Variants in PLCB4 observed in about 807,000 individuals in gnomAD.
PLCB4 encodes the protein 1-phosphatidylinositol 4,5-bisphosphate phosphodiesterase beta-4.
In PLCB4, 77 loss-of-function variants were observed where a neutral mutation model predicts 178.8. That is an observed-to-expected ratio of 0.43 (90% CI 0.36 to 0.52). The LOEUF is 0.52. Among genes scored for constraint, PLCB4 ranks in the 20% least tolerant of loss-of-function variants. The pLI, the probability that PLCB4 is intolerant of heterozygous loss-of-function variation, is 0.00. For synonymous variants in PLCB4, 496 were observed against 490.8 expected (o/e 1.01, Z -0.14); for missense variants, 1,024 against 1,453.4 (o/e 0.70, Z 4.80).
chr20:9,444,199 A>G lies in PLCB4; in HGVS notation c.2836A>G (p.Lys946Glu). The change falls in exon 32 of 40, where the codon AAA becomes GAA. Residue 946 changes from lysine (K) to glutamate (E), a missense_variant. Physicochemically the swap from Lys to Glu is moderately conservative, Grantham distance 56. Around this residue, in one of 7 missense-constraint regions of PLCB4, gnomAD observed 227 missense variants for 374.3 expected, o/e 0.61. Coordinates refer to ENST00000378473, the MANE Select transcript of PLCB4 (RefSeq NM_001377142.1). ...QMKAYLKHLK[K>E]QQKELNSLKK... ...AAAGGCTTACTTGAAGCATTTAAAG[A>G]AACAGCAGAAGGAGCTAAATTCTTT... The G allele has an allele frequency of 1.2e-6, 2 of 1,605,030 alleles. No homozygotes were observed. Among genetic ancestry groups the G allele is most frequent in the Non-Finnish European group, 1.7e-6 (2 of 1,172,668 alleles).
intron 1 of PLCB4, among the ~76,000 whole-genome samples, chr20:9,075,553 G>A (rs754031750): frequency 6.6e-6 from 1 of 152,220 alleles, no homozygotes; most frequent in Non-Finnish European, 1.5e-5. Flanking sequence ...GTTTTAATGA[G>A]GGTGTGGTGT....
intron 28 of PLCB4, among the ~76,000 whole-genome samples, chr20:9,426,950 C>T (rs1177407974): frequency 4.6e-5 from 7 of 152,126 alleles, no homozygotes; most frequent in Admixed American, 6.5e-5. Flanking sequence ...ACTGGCCAGG[C>T]GCGGTGGCTC....
intron 25 of PLCB4, among the ~76,000 whole-genome samples, chr20:9,417,569 G>T (rs1331086777): frequency 6.6e-6 from 1 of 152,028 alleles, no homozygotes. Flanking sequence ...CCATTGTATG[G>T]ATATACCATG....
chr20:9,386,713 G>C (rs1489096661), intron 14 of PLCB4, among the ~76,000 whole-genome samples: 1 of 151,554 alleles, frequency 6.6e-6, no homozygotes, highest in Non-Finnish European at 1.5e-5. Flanking sequence ...CAACGTGCAG[G>C]TTTGTTATAT....
intron 2 of PLCB4, among the ~76,000 whole-genome samples, chr20:9,130,160 G>A (rs2092235857): frequency 6.6e-6 from 1 of 152,130 alleles, no homozygotes; most frequent in African/African-American, 2.4e-5. Context: ...GTGTCTTTGG[G>A]GGTGTCTGGC....
Position 9,457,472 on chromosome 20 carries a change from T to C in PLCB4, c.3055T>C (p.Ser1019Pro). The C allele has an allele frequency of 6.6e-7, 1 of 1,517,726 alleles. No individual in the cohort carries two copies. Among genetic ancestry groups the C allele is most frequent in the Non-Finnish European group, 9.2e-7 (1 of 1,092,246 alleles). 94.0% of individuals were successfully genotyped at this position (1,517,726 alleles called of 1,614,324 possible). The change falls in exon 34 of 40, where the codon TCA becomes CCA. Residue 1019 changes from serine (S) to proline (P), a missense_variant. Coordinates refer to ENST00000378473, the MANE Select transcript of PLCB4 (RefSeq NM_001377142.1). ...AGAAATCAAAATTCAGACGCTGACATCAGATCACAAATCTAAGGTAAGAAA... is the reference window on the plus strand; with the variant it reads ...AGAAATCAAAATTCAGACGCTGACACCAGATCACAAATCTAAGGTAAGAAA... The part of the protein sequence containing the change: ...ETEIKIQTLT[S>P]DHKSKVKEIV...
intron 3 of PLCB4, among the ~76,000 whole-genome samples, chr20:9,228,565 C>G (rs1352202652): frequency 6.6e-6 from 1 of 152,098 alleles, no homozygotes; most frequent in Non-Finnish European, 1.5e-5. Context: ...AGGGCTTTAA[C>G]TACTGGATAC....
chr20:9,441,396 G>A (rs1308642278), intron 30 of PLCB4, among the ~76,000 whole-genome samples: 2 of 152,136 alleles, frequency 1.3e-5, no homozygotes, highest in South Asian at 2.1e-4. Context: ...ATTTGAGAAA[G>A]CAAGCCTCCA....
chr20:9,468,783 G>C (rs1005261812), intron 36 of PLCB4, 111 bp downstream of exon 36: 2 of 608,250 alleles, frequency 3.3e-6, no homozygotes, highest in Non-Finnish European at 5.9e-6. Flanking sequence ...AACACTTGTG[G>C]CTTTTGACTA....
At position 9,199,941 on chromosome 20, in the gene PLCB4, A is replaced by C. The variant is rs553258782; in HGVS notation, c.-78-17449A>C. ...ATCCATCTTCTGGCTGATTCCTGTC[A>C]ATCTCAGCCTACAATAGCTCACTGG... On this transcript the variant is annotated intron_variant, in intron 2 of 39. Transcript: ENST00000378473. Among the ~76,000 whole-genome samples the C allele has an allele frequency of 3.5e-5, 5 of 144,918 alleles. No homozygotes were observed. The South Asian group carries it at 1.2e-3, about 34-fold the overall frequency.
chr20:9,100,641 A>G (rs1179677266), intron 2 of PLCB4, among the ~76,000 whole-genome samples: 2 of 152,202 alleles, frequency 1.3e-5, no homozygotes, highest in Non-Finnish European at 2.9e-5. Context: ...TTTTTGATAG[A>G]GAATTGTGTT....
At chr20:9,220,623 G>A (rs1253026326) in intron 3 of PLCB4, among the ~76,000 whole-genome samples, 1 of 152,150 alleles carries the variant, frequency 6.6e-6, no homozygotes, top group African/African-American at 2.4e-5. Context: ...GGTGACAGAC[G>A]AGACTCCATC....
intron 2 of PLCB4, among the ~76,000 whole-genome samples, chr20:9,140,784 A>G (rs990553060): frequency 2.6e-5 from 4 of 152,004 alleles, no homozygotes; most frequent in Admixed American, 2.0e-4. Context: ...ATGTTTATAC[A>G]GCCTGCGGAA....
intron 2 of PLCB4, among the ~76,000 whole-genome samples, chr20:9,136,293 C>G (rs552244047): frequency 1.3e-5 from 2 of 152,032 alleles, no homozygotes; most frequent in East Asian, 3.9e-4. Flanking sequence ...GGGAAGCACC[C>G]GTAGGGGAGT....
At chr20:9,167,373 C>G (rs538350764) in intron 2 of PLCB4, among the ~76,000 whole-genome samples, 1 of 152,092 alleles carries the variant, frequency 6.6e-6, no homozygotes, top group East Asian at 1.9e-4. Flanking sequence ...TTTTAAAAAG[C>G]TAATTCATTT....
At chr20:9,275,232 A>G (rs2094440610) in intron 3 of PLCB4, among the ~76,000 whole-genome samples, 1 of 151,872 alleles carries the variant, frequency 6.6e-6, no homozygotes, top group South Asian at 2.1e-4. Context: ...GCAAGAGAGA[A>G]TGAGGAAGCA....
rs377493573 is a variant in PLCB4 at position 9,252,067 on chromosome 20, A to C, written c.-16+34615A>C. Among the ~76,000 whole-genome samples, 25 of 152,340 alleles carry C rather than the reference A, an allele frequency of 1.6e-4. No individual in the cohort carries two copies. The East Asian group carries it at 4.4e-3, about 27-fold the overall frequency. The stretch of plus-strand genomic sequence containing the variant: ...TTCTTGATCTGTATTTAGATCTCAT[A>C]AAAGTCACAATTAAAAGTGTTCATA... On this transcript the variant is annotated intron_variant, in intron 3 of 39. Coordinates refer to ENST00000378473, the MANE Select transcript of PLCB4 (RefSeq NM_001377142.1).
chr20:9,362,716 G>T (rs554895807), intron 7 of PLCB4, among the ~76,000 whole-genome samples, 180 bp from the exon 8 acceptor site: 1 of 152,304 alleles, frequency 6.6e-6, no homozygotes, highest in East Asian at 1.9e-4. Context: ...AAGAATGAAA[G>T]CTGTTTATTA....
At chr20:9,188,144 A>C (rs770395812) in intron 2 of PLCB4, among the ~76,000 whole-genome samples, 3 of 152,252 alleles carry the variant, frequency 2.0e-5, no homozygotes, top group African/African-American at 7.2e-5. Flanking sequence ...AGACAGATGA[A>C]CAAAAAATAA....
Sources: allele counts gnomAD v4.1 joint callset (sites outside exome capture counted in the v4.1 genomes callset), GRCh38; gene constraint gnomAD v4.1.1; regional missense constraint gnomAD v4.1.1; transcripts MANE v1.5; gene names NCBI Gene and HGNC (gene_info 2026-07-23, HGNC 2026-07-21).